The following CREBBP variants were observed in gnomAD, a reference collection of about 807,000 sequenced individuals.
CREBBP encodes the protein CREB-binding protein.
A neutral mutation model predicts 265.0 loss-of-function variants in CREBBP; 19 were observed. The ratio of observed to expected loss-of-function variants is 0.07; its 90% CI spans 0.05 to 0.11. The LOEUF is 0.11. CREBBP is among the 10% of genes least tolerant of loss of function. The pLI is 1.00. For missense variants in CREBBP, 2,525 were observed against 3,219.0 expected, an observed-to-expected ratio of 0.78 and a Z score of 5.22; for synonymous variants, 1,457 against 1,223.7, an observed-to-expected ratio of 1.19 and a Z score of -3.98.
chr16:3,780,814 C>G lies in CREBBP; in HGVS notation c.1741G>C (p.Ala581Pro). The G allele has an allele frequency of 6.2e-7, 1 of 1,613,990 alleles. No individual in the cohort carries two copies. Among genetic ancestry groups the G allele is most frequent in the Non-Finnish European group, 8.5e-7 (1 of 1,180,022 alleles). ...IGTLSTIPTA[A>P]PPSSTGVRKG... ...CTTACACCGGTGCTAGAAGGAGGAG[C>G]TGCTGTTGGTATAGTGCTGAGGGTT... Residue 581 changes from alanine (A) to proline (P), a missense_variant, in exon 8 of 31, where the codon GCT (alanine) becomes CCT (proline). This residue lies in a region of CREBBP where 144 missense variants were observed against 134.0 expected (regional missense o/e 1.07). Coordinates refer to ENST00000262367, the MANE Select transcript of CREBBP (RefSeq NM_004380.3).
intron 2 of CREBBP, among the ~76,000 whole-genome samples, chr16:3,817,735 C>T (rs944203111): frequency 6.6e-6 from 1 of 152,024 alleles, no homozygotes; most frequent in Non-Finnish European, 1.5e-5. Flanking sequence ...GCTCTTCTGT[C>T]GAAAAGGTCA....
At chr16:3,825,104 A>C (rs2054212635) in intron 2 of CREBBP, among the ~76,000 whole-genome samples, 1 of 152,232 alleles carries the variant, frequency 6.6e-6, no homozygotes, top group African/African-American at 2.4e-5. Flanking sequence ...TACAGTACTT[A>C]AAACAGGCAT....
intron 16 of CREBBP, among the ~76,000 whole-genome samples, chr16:3,759,346 T>A (rs1361752677): frequency 6.6e-6 from 1 of 152,128 alleles, no homozygotes; most frequent in African/African-American, 2.4e-5. Flanking sequence ...CCCAGCACTT[T>A]GGGAGACTGA....
At chr16:3,764,973 GTT>G (rs1555480162) in intron 16 of CREBBP, among the ~76,000 whole-genome samples, 33 of 147,840 alleles carry the variant, frequency 2.2e-4, no homozygotes, top group Admixed American at 1.8e-3. Flanking sequence ...TTTTTGTTTT[GTT>G]TTTGTTTTTG....
At chr16:3,864,254 G>A (rs554413939) in intron 1 of CREBBP, among the ~76,000 whole-genome samples, 3 of 152,310 alleles carry the variant, frequency 2.0e-5, no homozygotes, top group East Asian at 1.9e-4. Flanking sequence ...TATTCCAGAC[G>A]TGAAAGCAGA....
rs1355000901 is a variant in CREBBP, at chr16:3,725,114, CTTT to C, written c.*2601_*2603del. The C allele has an allele frequency of 4.3e-6, 1 of 233,316 alleles. No individual in the cohort carries two copies. The highest frequency in any genetic ancestry group is 8.5e-6 in the Non-Finnish European group (1 of 117,862). The allele number at this position is 233,316 out of a possible 1,614,324, so 14.5% of individuals were successfully genotyped here. A position where few individuals can be genotyped will look rare whatever the true frequency, so the allele number is the denominator to read the frequency against. ...AACACCATCACATTTCAAGTTTCCT[CTTT>C]TTGATCACAAATATAGGACTTTTTC... On this transcript the variant is annotated 3_prime_UTR_variant, in exon 31 of 31. Coordinates refer to ENST00000262367, the MANE Select transcript of CREBBP (RefSeq NM_004380.3).
chr16:3,759,206 T>A (rs2052653740), intron 16 of CREBBP, among the ~76,000 whole-genome samples: 1 of 152,190 alleles, frequency 6.6e-6, no homozygotes, highest in Non-Finnish European at 1.5e-5. Flanking sequence ...GCTTCTTCCA[T>A]GAAAGGTTTC....
intron 5 of CREBBP, among the ~76,000 whole-genome samples, chr16:3,786,668 T>C (rs531294488): frequency 2.9e-4 from 44 of 152,244 alleles, no homozygotes; most frequent in Admixed American, 6.5e-4. Flanking sequence ...GCGAAACTTG[T>C]GTATGGGGAA....
In CREBBP at chr16:3,725,774, C is replaced by T. The variant is rs529403217; in HGVS notation, c.*1944G>A. ...AAACCAAGTATTCAGCTATTTAAAA[C>T]CTATCTGTGAATGTAAGGGCCCAAA... On this transcript the variant is annotated 3_prime_UTR_variant, in exon 31 of 31. Transcript: ENST00000262367. The T allele has an allele frequency of 7.2e-4, 167 of 233,278 alleles. No homozygotes were observed. The highest frequency in any genetic ancestry group is 1.5e-3 in the African/African-American group (67 of 45,466). 14.5% of individuals were successfully genotyped at this position (233,278 alleles called of 1,614,324 possible).
intron 2 of CREBBP, among the ~76,000 whole-genome samples, chr16:3,814,213 TTCTGTG>T (rs1208163845): frequency 4.7e-5 from 4 of 85,192 alleles, no homozygotes; most frequent in African/African-American, 1.9e-4. Flanking sequence ...CAGAGTCTCG[TTCTGTG>T]TGTGTGTGTG....
At chr16:3,759,778 TAATGCC>T (rs1222326546) in intron 16 of CREBBP, among the ~76,000 whole-genome samples, 1 of 152,174 alleles carries the variant, frequency 6.6e-6, no homozygotes, top group Non-Finnish European at 1.5e-5. Context: ...CCACATTTAC[TAATGCC>T]AATTTCTCCA....
At chr16:3,810,957 C>A (rs1301164580) in intron 2 of CREBBP, among the ~76,000 whole-genome samples, 178 bp from the exon 3 acceptor site, 1 of 151,910 alleles carries the variant, frequency 6.6e-6, no homozygotes, top group Non-Finnish European at 1.5e-5. Context: ...AGCAGCCACT[C>A]TCTCCTCACC....
At chr16:3,821,811 C>T (rs1466533173) in intron 2 of CREBBP, among the ~76,000 whole-genome samples, 2 of 152,200 alleles carry the variant, frequency 1.3e-5, no homozygotes, top group African/African-American at 4.8e-5. Context: ...GGGTGGATCA[C>T]CTGAGGTCAG....
intron 2 of CREBBP, among the ~76,000 whole-genome samples, chr16:3,848,382 A>G (rs1360140961): frequency 6.6e-6 from 1 of 152,174 alleles, no homozygotes; most frequent in Non-Finnish European, 1.5e-5. Flanking sequence ...CATGATGTCA[A>G]AACTATTTCC....
At chr16:3,829,930 A>G (rs2054309531) in intron 2 of CREBBP, among the ~76,000 whole-genome samples, 1 of 152,218 alleles carries the variant, frequency 6.6e-6, no homozygotes, top group South Asian at 2.1e-4. Context: ...AAAAAAAGGA[A>G]CAAAACACAG....
rs1427410638 is a variant in CREBBP, at chr16:3,726,872, T to G, written c.*846A>C. ...ATATGATATAAGAAATGAGTTGGTA[T>G]TTTACCATTCTATACAGTGATTGAA... On this transcript the variant is annotated 3_prime_UTR_variant, in exon 31 of 31. Transcript: ENST00000262367. 4.3e-6 allele frequency: 1 copy of G among 233,522 alleles called. No homozygotes were observed. The highest frequency in any genetic ancestry group is 2.2e-5 in the African/African-American group (1 of 45,352). 14.5% of individuals were successfully genotyped at this position (233,522 alleles called of 1,614,324 possible). A position where few individuals can be genotyped will look rare whatever the true frequency, so the allele number is the denominator to read the frequency against.
intron 2 of CREBBP, chr16:3,840,514 T>C (rs748546607): frequency 1.3e-5 from 2 of 153,566 alleles, no homozygotes; most frequent in Non-Finnish European, 2.9e-5. Flanking sequence ...CTCAGTGTTG[T>C]GTTGAGACAC....
In CREBBP at chr16:3,773,901, C is replaced by G. The variant is rs2141216814; in HGVS notation, c.2313G>C (p.Gln771His). 6.2e-7 allele frequency: 1 copy of G among 1,612,232 alleles called. No homozygotes were observed. The highest frequency in any genetic ancestry group is 8.5e-7 in the Non-Finnish European group (1 of 1,180,012). The change falls in exon 13 of 31, where the codon CAG becomes CAC. Residue 771 changes from glutamine to histidine, a missense_variant. By Grantham distance (24) the Gln-to-His change is conservative (BLOSUM62 0). Around this residue, in one of 19 missense-constraint regions of CREBBP, gnomAD observed 548 missense variants for 533.0 expected, o/e 1.03. Transcript: ENST00000262367. ...TGTGTGCACCCATCATGTTCGGAGG[C>G]TGAGGCATTCGGGAAGGAGAAATGG... ...GMAISPSRMP[Q>H]PPNMMGAHTN... is the part of the protein sequence containing the mutation.
intron 23 of CREBBP, chr16:3,741,269 G>T: frequency 6.5e-6 from 1 of 153,550 alleles, no homozygotes; most frequent in Non-Finnish European, 1.5e-5. Context: ...AAAACTATAA[G>T]GGAAAGTTGC....
Sources: gnomAD v4.1 joint callset for allele counts (sites outside exome capture counted in the v4.1 genomes callset) on GRCh38, gnomAD v4.1.1 for gene constraint, gnomAD v4.1.1 regional missense constraint, MANE v1.5 for transcripts, NCBI Gene and HGNC (gene_info 2026-07-23, HGNC 2026-07-21) for gene names.